The following EFNA5 variants were observed in gnomAD, a reference collection of about 807,000 sequenced individuals.
The protein encoded by EFNA5 is ephrin A5.
In EFNA5, 5 loss-of-function variants were observed where a neutral mutation model predicts 22.9. The observed-to-expected ratio is 0.22, with a 90% CI of 0.11 to 0.46. The LOEUF (loss-of-function observed/expected upper bound fraction) is 0.46. EFNA5 is among the 20% of genes least tolerant of loss of function. EFNA5 has a pLI of 0.99. For synonymous variants in EFNA5, 113 were observed against 112.2 expected, an observed-to-expected ratio of 1.01 and a Z score of -0.04; for missense variants, 237 against 293.3, an observed-to-expected ratio of 0.81 and a Z score of 1.40.
chr5:107,630,112 A>G (rs1750218191), intron 1 of EFNA5, among the ~76,000 whole-genome samples: 1 of 152,100 alleles, frequency 6.6e-6, no homozygotes, highest in African/African-American at 2.4e-5. Context: ...TTTAAAGCTC[A>G]TCAGCTATCA....
chr5:107,410,877 T>C (rs1242515234), intron 2 of EFNA5, among the ~76,000 whole-genome samples: 1 of 152,202 alleles, frequency 6.6e-6, no homozygotes, highest in Non-Finnish European at 1.5e-5. Flanking sequence ...CCCAGTCTAT[T>C]GCATGTCTTA....
chr5:107,411,648 G>A (rs1199760350), intron 2 of EFNA5, among the ~76,000 whole-genome samples: 1 of 152,144 alleles, frequency 6.6e-6, no homozygotes, highest in South Asian at 2.1e-4. Context: ...CTCTCTTTTT[G>A]TTTGTTGGTA....
chr5:107,446,247 TAAAAC>T (rs1749390733), intron 1 of EFNA5, among the ~76,000 whole-genome samples: 1 of 152,198 alleles, frequency 6.6e-6, no homozygotes, highest in African/African-American at 2.4e-5. Flanking sequence ...CAGTATGTAT[TAAAAC>T]AAAGTAAGAG....
intron 1 of EFNA5, among the ~76,000 whole-genome samples, chr5:107,503,250 GC>G (rs1747176427): frequency 6.6e-6 from 1 of 152,158 alleles, no homozygotes; most frequent in African/African-American, 2.4e-5. Flanking sequence ...GAAGTCATCT[GC>G]CTTCGGTGCA....
In EFNA5 at chr5:107,562,915, G is replaced by A. The variant is rs563956271; in HGVS notation, c.125+107574C>T. Among the ~76,000 whole-genome samples, 6 of 152,196 alleles carry A rather than the reference G, an allele frequency of 3.9e-5. No individual in the cohort carries two copies. The East Asian group carries it at 1.2e-3, about 29-fold the overall frequency. On this transcript the variant is annotated intron_variant, in intron 1 of 4. Coordinates refer to ENST00000333274, the MANE Select transcript of EFNA5 (RefSeq NM_001962.3). Reference sequence around the variant, plus strand: ...TATTTATAATGTAATATTTATATTGGAACAGCCAGCATTAAATTACTGAGC... The same window carrying A: ...TATTTATAATGTAATATTTATATTGAAACAGCCAGCATTAAATTACTGAGC...
chr5:107,670,536 C>A lies in EFNA5; in HGVS notation c.78G>T (p.Lys26Asn), dbSNP rs751892462. Residue 26 changes from lysine (K) to asparagine (N), a missense_variant, in exon 1 of 5, where the codon AAG (lysine) becomes AAT (asparagine). Lys to Asn is a moderately conservative substitution (Grantham distance 94). This residue lies in a region of EFNA5 where 120 missense variants were observed against 140.5 expected (regional missense o/e 0.85). Coordinates refer to ENST00000333274, the MANE Select transcript of EFNA5 (RefSeq NM_001962.3). Reference protein sequence around the residue: ...MCVFSQDPGSKAVADRYAVYW... With the variant: ...MCVFSQDPGSNAVADRYAVYW... ...AGACAGCGTAGCGGTCGGCGACGGC[C>A]TTGGAGCCCGGGTCCTGGCTGAACA... 1.9e-6 allele frequency: 3 copies of A among 1,589,370 alleles called. No individual in the cohort carries two copies. Among genetic ancestry groups the A allele is most frequent in the Non-Finnish European group, 2.6e-6 (3 of 1,167,528 alleles).
At chr5:107,504,363 A>G (rs1420970307) in intron 1 of EFNA5, among the ~76,000 whole-genome samples, 1 of 152,086 alleles carries the variant, frequency 6.6e-6, no homozygotes, top group Admixed American at 6.6e-5. Context: ...GTGTCCCTAC[A>G]CTCGAAGAGG....
intron 1 of EFNA5, among the ~76,000 whole-genome samples, chr5:107,605,257 G>A (rs1295059150): frequency 6.6e-6 from 1 of 152,054 alleles, no homozygotes; most frequent in African/African-American, 2.4e-5. Context: ...AGGAAGGAAA[G>A]CATATATATG....
chr5:107,589,854 A>C (rs1182928064), intron 1 of EFNA5, among the ~76,000 whole-genome samples: 2 of 152,330 alleles, frequency 1.3e-5, no homozygotes, highest in African/African-American at 2.4e-5. Flanking sequence ...GTGCTAAGAA[A>C]ACTTAAATGA....
intron 1 of EFNA5, among the ~76,000 whole-genome samples, chr5:107,639,873 T>C (rs1366520803): frequency 5.3e-5 from 8 of 152,288 alleles, no homozygotes; most frequent in Non-Finnish European, 1.5e-5. Flanking sequence ...ACCATGTTAA[T>C]AGTTTGATCC....
intron 1 of EFNA5, among the ~76,000 whole-genome samples, chr5:107,575,766 G>T (rs1228181389): frequency 6.6e-6 from 1 of 152,106 alleles, no homozygotes; most frequent in East Asian, 1.9e-4. Flanking sequence ...AAGGTATCAG[G>T]GAGAAAGAGA....
intron 1 of EFNA5, among the ~76,000 whole-genome samples, chr5:107,593,133 T>C (rs555437874): frequency 3.9e-5 from 6 of 152,198 alleles, no homozygotes; most frequent in Non-Finnish European, 7.3e-5. Flanking sequence ...CATCAGCACC[T>C]GTTTTGAAAC....
chr5:107,641,875 A>G (rs1750528739), intron 1 of EFNA5, among the ~76,000 whole-genome samples: 1 of 152,042 alleles, frequency 6.6e-6, no homozygotes, highest in Non-Finnish European at 1.5e-5. Context: ...GTCCACCCAG[A>G]CAAAGAACAG....
chr5:107,532,111 A>C (rs1416924224), intron 1 of EFNA5, among the ~76,000 whole-genome samples: 1 of 152,196 alleles, frequency 6.6e-6, no homozygotes, highest in East Asian at 1.9e-4. Context: ...GAAAATGGGA[A>C]CGGCTTTGTT....
intron 2 of EFNA5, among the ~76,000 whole-genome samples, chr5:107,397,412 G>A (rs1747957616): frequency 6.6e-6 from 1 of 152,090 alleles, no homozygotes; most frequent in African/African-American, 2.4e-5. Context: ...GGTGGGGCGT[G>A]GTGGCAGGCG....
chr5:107,573,061 A>G (rs1748852153), intron 1 of EFNA5, among the ~76,000 whole-genome samples: 2 of 152,326 alleles, frequency 1.3e-5, no homozygotes, highest in Non-Finnish European at 2.9e-5. Flanking sequence ...GTAAAGGCGC[A>G]GTGGGTCTTT....
intron 1 of EFNA5, among the ~76,000 whole-genome samples, chr5:107,495,192 A>G (rs1274188737): frequency 1.3e-5 from 2 of 152,126 alleles, no homozygotes; most frequent in Non-Finnish European, 2.9e-5. Context: ...CTTTGGGTCC[A>G]CACTGCCTTT....
At chr5:107,632,690 T>C (rs1328318766) in intron 1 of EFNA5, among the ~76,000 whole-genome samples, 1 of 152,144 alleles carries the variant, frequency 6.6e-6, no homozygotes, top group African/African-American at 2.4e-5. Flanking sequence ...AGAAATTTTG[T>C]TTTCTCCCAT....
At position 107,427,268 on chromosome 5, in the gene EFNA5, G is replaced by C. The variant is rs760794041; in HGVS notation, c.367C>G (p.Pro123Ala). 6.2e-7 allele frequency: 1 copy of C among 1,614,122 alleles called. No homozygotes were observed. The highest frequency in any genetic ancestry group is 2.2e-5 in the East Asian group (1 of 44,868). ...KFSEKFQLFT[P>A]FSLGFEFRPG... is the part of the protein sequence containing the mutation. ...CTGAATTCAAATCCTAGAGAAAAGG[G>C]AGTGAAGAGCTGGAATTTTTCAGAG... The change falls in exon 2 of 5, where the codon CCC (proline) becomes GCC (alanine). Residue 123 changes from proline to alanine, a missense_variant. Pro to Ala is a conservative substitution (Grantham distance 27). Around this residue, in one of 3 missense-constraint regions of EFNA5, gnomAD observed 13 missense variants for 38.3 expected, o/e 0.34. Coordinates refer to ENST00000333274, the MANE Select transcript of EFNA5 (RefSeq NM_001962.3).
Sources: allele counts gnomAD v4.1 joint callset (sites outside exome capture counted in the v4.1 genomes callset), GRCh38; gene constraint gnomAD v4.1.1; regional missense constraint gnomAD v4.1.1; transcripts MANE v1.5; gene names NCBI Gene and HGNC (gene_info 2026-07-23, HGNC 2026-07-21).